SEL1L: variants seen among roughly 807,000 people sequenced by gnomAD.
The protein encoded by SEL1L is protein sel-1 homolog 1.
SEL1L carries 52 observed loss-of-function variants against 109.8 expected under a neutral mutation model. The observed-to-expected ratio is 0.47, with a 90% CI of 0.38 to 0.60. SEL1L has a LOEUF of 0.60. SEL1L is among the 20% of genes least tolerant of loss of function. SEL1L has a pLI of 0.00. For missense variants in SEL1L, 749 were observed against 962.2 expected (o/e 0.78, Z 2.93); for synonymous variants, 373 against 339.6 (o/e 1.10, Z -1.08).
chr14:81,485,191 TTAGAAACTCTGGCTC>T (rs1566970979), intron 18 of SEL1L, among the ~76,000 whole-genome samples: 1 of 152,194 alleles, frequency 6.6e-6, no homozygotes, highest in Non-Finnish European at 1.5e-5. Flanking sequence ...ACAACCCAAT[TTAGAAACTCTGGCTC>T]TAGAAACTTC....
chr14:81,507,179 T>C (rs1884274376), intron 3 of SEL1L, among the ~76,000 whole-genome samples: 1 of 152,198 alleles, frequency 6.6e-6, no homozygotes. Context: ...CTTAAGGAGT[T>C]TGAACTTTTA....
chr14:81,493,533 A>T (rs551258948), intron 11 of SEL1L, among the ~76,000 whole-genome samples: 3 of 152,072 alleles, frequency 2.0e-5, no homozygotes, highest in Non-Finnish European at 2.9e-5. Context: ...AATAAATAAA[A>T]TAAATAAAAA....
chr14:81,529,043 G>A (rs910001732), intron 1 of SEL1L, among the ~76,000 whole-genome samples: 1 of 152,124 alleles, frequency 6.6e-6, no homozygotes, highest in Non-Finnish European at 1.5e-5. Context: ...TTAAATTACA[G>A]CTACTATTCA....
chr14:81,487,282 A>C, intron 16 of SEL1L, 108 bp downstream of exon 16: 1 of 1,047,648 alleles, frequency 9.5e-7, no homozygotes, highest in Admixed American at 3.4e-5. Context: ...AGGTAGGCTG[A>C]GTCTAGAACT....
chr14:81,478,302 T>C (rs774163958), intron 20 of SEL1L, among the ~76,000 whole-genome samples: 1 of 152,216 alleles, frequency 6.6e-6, no homozygotes. Context: ...TGTTCTTCTG[T>C]ACTGTTTGAC....
Position 81,473,995 on chromosome 14 carries a change from CAA to C in SEL1L, c.*2975_*2976del, listed in dbSNP as rs1366694269. On this transcript the variant is annotated 3_prime_UTR_variant, in exon 21 of 21. Transcript: ENST00000336735. ...ACTGGCAGGGGTTTCCAAAACTTCC[CAA>C]CAGTACAGAGACAGAATGGCTTAGT... 1 of 151,730 alleles carries C rather than the reference CAA, an allele frequency of 6.6e-6. No individual in the cohort carries two copies. Among genetic ancestry groups the C allele is most frequent in the African/African-American group, 2.4e-5 (1 of 41,332 alleles). The allele number at this position is 151,730 out of a possible 1,614,324, so 9.4% of individuals were successfully genotyped here. A position where few individuals can be genotyped will look rare whatever the true frequency, so the allele number is the denominator to read the frequency against.
Position 81,474,025 on chromosome 14 carries a change from T to G in SEL1L, c.*2947A>C, listed in dbSNP as rs1403713380. On this transcript the variant is annotated 3_prime_UTR_variant, in exon 21 of 21. Coordinates refer to ENST00000336735, the MANE Select transcript of SEL1L (RefSeq NM_005065.6). Reference sequence around the variant, plus strand: ...GTACAGAGACAGAATGGCTTAGTGGTAAGACTCTCACATGTAAGGTAAAAA... The same window carrying G: ...GTACAGAGACAGAATGGCTTAGTGGGAAGACTCTCACATGTAAGGTAAAAA... 3.9e-5 allele frequency: 6 copies of G among 152,004 alleles called. 1 individual carries two copies. Among genetic ancestry groups the G allele is most frequent in the Admixed American group, 3.9e-4 (6 of 15,284 alleles). The allele number at this position is 152,004 out of a possible 1,614,324, so 9.4% of individuals were successfully genotyped here. A position where few individuals can be genotyped will look rare whatever the true frequency, so the allele number is the denominator to read the frequency against.
chr14:81,500,622 G>A (rs1311757625), intron 6 of SEL1L, among the ~76,000 whole-genome samples: 1 of 152,096 alleles, frequency 6.6e-6, no homozygotes, highest in Admixed American at 6.6e-5. Context: ...ATGTAAACAT[G>A]ACTTTATCTT....
At chr14:81,517,175 G>C (rs1669022813) in intron 3 of SEL1L, among the ~76,000 whole-genome samples, 1 of 152,182 alleles carries the variant, frequency 6.6e-6, no homozygotes, top group South Asian at 2.1e-4. Flanking sequence ...CTGAGCTGCT[G>C]TTTGTTGAGA....
intron 3 of SEL1L, among the ~76,000 whole-genome samples, chr14:81,516,331 C>T (rs951850852): frequency 6.6e-6 from 1 of 152,204 alleles, no homozygotes; most frequent in African/African-American, 2.4e-5. Context: ...CGTTACCAAC[C>T]GAGGAATCCT....
At chr14:81,496,718 GATCT>G (rs1320661889) in intron 10 of SEL1L, among the ~76,000 whole-genome samples, 1 of 151,884 alleles carries the variant, frequency 6.6e-6, no homozygotes, top group African/African-American at 2.4e-5. Context: ...ACAGAGCAAG[GATCT>G]GTCTCAAAAA....
At chr14:81,493,857 A>C (rs1010215919) in intron 11 of SEL1L, among the ~76,000 whole-genome samples, 1 of 152,230 alleles carries the variant, frequency 6.6e-6, no homozygotes, top group Non-Finnish European at 1.5e-5. Flanking sequence ...TAGCTTGGCT[A>C]ACAAGATGTC....
Position 81,502,851 on chromosome 14 carries a change from A to G in SEL1L, c.647T>C (p.Met216Thr). The G allele has an allele frequency of 6.2e-7, 1 of 1,613,920 alleles. No individual in the cohort carries two copies. The highest frequency in any genetic ancestry group is 8.5e-7 in the Non-Finnish European group (1 of 1,179,860). ...AYRYLQKAAS[M>T]NHTKALERVS... ...TCTCTCCAGGGCTTTGGTATGGTTCATGCTTGCTGCCTTTTGGAGATACCG... is the reference window on the plus strand; with the variant it reads ...TCTCTCCAGGGCTTTGGTATGGTTCGTGCTTGCTGCCTTTTGGAGATACCG... The change falls in exon 6 of 21, where the codon ATG (methionine) becomes ACG (threonine). Residue 216 changes from methionine (M) to threonine (T), a missense_variant. Transcript: ENST00000336735.
At chr14:81,529,132 C>G (rs1289321256) in intron 1 of SEL1L, among the ~76,000 whole-genome samples, 2 of 152,062 alleles carry the variant, frequency 1.3e-5, no homozygotes, top group Non-Finnish European at 2.9e-5. Flanking sequence ...ACATATTAGT[C>G]CCACAGCGCC....
chr14:81,488,322 G>A (rs143224345), intron 14 of SEL1L, among the ~76,000 whole-genome samples: 13 of 152,086 alleles, frequency 8.5e-5, no homozygotes, highest in East Asian at 7.7e-4. Flanking sequence ...CATTTATTCC[G>A]TGTACCTTAC....
chr14:81,506,295 T>C, intron 3 of SEL1L, 54 bp from the exon 4 acceptor site: 1 of 1,426,124 alleles, frequency 7.0e-7, no homozygotes, highest in Non-Finnish European at 9.3e-7. Context: ...CTGGTATTCA[T>C]GGATTCAATG....
intron 3 of SEL1L, among the ~76,000 whole-genome samples, chr14:81,515,365 T>G (rs1884660136): frequency 6.6e-6 from 1 of 152,210 alleles, no homozygotes. Flanking sequence ...ATGTTATTGT[T>G]AGATCAAACC....
chr14:81,509,550 T>C (rs1884378563), intron 3 of SEL1L, among the ~76,000 whole-genome samples: 2 of 152,350 alleles, frequency 1.3e-5, no homozygotes, highest in South Asian at 2.1e-4. Flanking sequence ...ACAGAACTTA[T>C]TGTAATAATG....
At chr14:81,482,123 A>T (rs1305129742) in intron 19 of SEL1L, among the ~76,000 whole-genome samples, 1 of 152,132 alleles carries the variant, frequency 6.6e-6, no homozygotes, top group African/African-American at 2.4e-5. Context: ...GCTAAACAAA[A>T]GTTCCCTCCC....
Sources: allele counts gnomAD v4.1 joint callset (sites outside exome capture counted in the v4.1 genomes callset), GRCh38; gene constraint gnomAD v4.1.1; transcripts MANE v1.5; gene names NCBI Gene and HGNC (gene_info 2026-07-23, HGNC 2026-07-21).